The following RUNX2 variants were observed in gnomAD, a reference collection of about 807,000 sequenced individuals.
RUNX2 encodes the protein RUNX family transcription factor 2.
Under a neutral mutation model 51.7 loss-of-function variants are expected in RUNX2, and 10 were observed. That is an observed-to-expected ratio of 0.19 (90% CI 0.12 to 0.33). The LOEUF (loss-of-function observed/expected upper bound fraction) is 0.33. Among genes scored for constraint, RUNX2 ranks in the 10% least tolerant of loss-of-function variants. RUNX2 has a pLI of 1.00. For missense variants in RUNX2, 562 were observed against 691.3 expected, an observed-to-expected ratio of 0.81 and a Z score of 2.10; for synonymous variants, 276 against 273.6, an observed-to-expected ratio of 1.01 and a Z score of -0.09.
At chr6:45,477,486 C>T (rs1008574671) in intron 5 of RUNX2, among the ~76,000 whole-genome samples, 1 of 152,184 alleles carries the variant, frequency 6.6e-6, no homozygotes, top group African/African-American at 2.4e-5. Flanking sequence ...AACCAAACTT[C>T]TCTGCCCAAA....
intron 4 of RUNX2, among the ~76,000 whole-genome samples, chr6:45,435,341 T>A (rs1306161358): frequency 6.6e-6 from 1 of 152,082 alleles, no homozygotes; most frequent in South Asian, 2.1e-4. Context: ...TTAAATAAAT[T>A]TATGGACAAT....
At chr6:45,462,475 A>G (rs1799503877) in intron 5 of RUNX2, among the ~76,000 whole-genome samples, 2 of 152,234 alleles carry the variant, frequency 1.3e-5, no homozygotes, top group Admixed American at 1.3e-4. Context: ...ACATGAATAA[A>G]TGAGCTCTCA....
chr6:45,525,461 A>T (rs1212438673), intron 7 of RUNX2, among the ~76,000 whole-genome samples: 1 of 152,212 alleles, frequency 6.6e-6, no homozygotes, highest in Non-Finnish European at 1.5e-5. Flanking sequence ...TTGACAGTGT[A>T]TTGGAAATAG....
chr6:45,348,008 T>C (rs9472464), intron 2 of RUNX2, among the ~76,000 whole-genome samples: 22,198 of 152,020 alleles, frequency 0.15, 2,147 homozygotes, highest in African/African-American at 0.27. Flanking sequence ...GTTATATAAA[T>C]AGGTATGTAT....
At chr6:45,439,945 C>A (rs1276744813) in intron 5 of RUNX2, among the ~76,000 whole-genome samples, 1 of 152,138 alleles carries the variant, frequency 6.6e-6, no homozygotes, top group Non-Finnish European at 1.5e-5. Context: ...CTTGTAAAGG[C>A]AGAGAAGTGC....
At chr6:45,433,538 G>A (rs1468218141) in intron 4 of RUNX2, among the ~76,000 whole-genome samples, 1 of 151,520 alleles carries the variant, frequency 6.6e-6, no homozygotes, top group Non-Finnish European at 1.5e-5. Context: ...AAAGGATTGG[G>A]TGCCATGCTT....
At chr6:45,409,891 T>C (rs1250350088) in intron 2 of RUNX2, among the ~76,000 whole-genome samples, 1 of 152,214 alleles carries the variant, frequency 6.6e-6, no homozygotes, top group Non-Finnish European at 1.5e-5. Flanking sequence ...ATGGAATGCA[T>C]ATATGTCAAC....
In RUNX2 at chr6:45,491,771, G is replaced by A. The variant is rs188111288; in HGVS notation, c.686-170G>A. 2.4e-3 allele frequency among the ~76,000 whole-genome samples: 371 copies of A among 151,800 alleles called. 2 individuals carry two copies. Among genetic ancestry groups the A allele is most frequent in the African/African-American group, 8.3e-3 (345 of 41,372 alleles). On this transcript the variant is annotated intron_variant, in intron 5 of 8. Transcript: ENST00000647337. ...CTAGGAATGCTGGCCACCAGATACC[G>A]CTTATAAAGCAATTTGAAATGGAAG...
At chr6:45,352,888 T>C (rs904130026) in intron 2 of RUNX2, among the ~76,000 whole-genome samples, 1 of 152,150 alleles carries the variant, frequency 6.6e-6, no homozygotes, top group African/African-American at 2.4e-5. Context: ...ACTGGTCATT[T>C]ATTTCCAGCT....
At chr6:45,416,877 C>G (rs1470991071) in intron 2 of RUNX2, among the ~76,000 whole-genome samples, 1 of 152,156 alleles carries the variant, frequency 6.6e-6, no homozygotes, top group Non-Finnish European at 1.5e-5. Flanking sequence ...ACACTGTACT[C>G]TCTTGTAAGT....
intron 2 of RUNX2, among the ~76,000 whole-genome samples, chr6:45,364,069 T>G (rs1794719852): frequency 6.6e-6 from 1 of 151,426 alleles, no homozygotes; most frequent in Non-Finnish European, 1.5e-5. Flanking sequence ...GAGCCAAGAT[T>G]GTGCCACTGC....
chr6:45,503,204 T>C (rs1041422400), intron 6 of RUNX2, among the ~76,000 whole-genome samples: 24 of 152,322 alleles, frequency 1.6e-4, no homozygotes, highest in African/African-American at 5.5e-4. Context: ...ATTTGATTAA[T>C]GCCTGTCTCT....
intron 6 of RUNX2, among the ~76,000 whole-genome samples, chr6:45,502,534 G>A (rs940608522): frequency 7.2e-5 from 11 of 152,160 alleles, no homozygotes; most frequent in Admixed American, 3.3e-4. Flanking sequence ...TATTACTCAA[G>A]GCTCACCTTA....
chr6:45,484,797 C>T (rs1800219121), intron 5 of RUNX2, among the ~76,000 whole-genome samples: 1 of 152,190 alleles, frequency 6.6e-6, no homozygotes, highest in South Asian at 2.1e-4. Flanking sequence ...TCCCTACAAA[C>T]ACACTCCTTC....
intron 7 of RUNX2, among the ~76,000 whole-genome samples, chr6:45,515,623 T>C (rs1317383381): frequency 2.0e-5 from 3 of 152,136 alleles, no homozygotes; most frequent in African/African-American, 7.2e-5. Flanking sequence ...TTAGATTATC[T>C]AAATAAGTTA....
chr6:45,458,904 C>T (rs932888309), intron 5 of RUNX2, among the ~76,000 whole-genome samples: 3 of 152,190 alleles, frequency 2.0e-5, no homozygotes, highest in African/African-American at 7.2e-5. Flanking sequence ...ACAATCTGTC[C>T]TCTTGGAAAA....
At chr6:45,512,651 A>G (rs1382446417) in intron 7 of RUNX2, among the ~76,000 whole-genome samples, 1 of 152,196 alleles carries the variant, frequency 6.6e-6, no homozygotes, top group Non-Finnish European at 1.5e-5. Flanking sequence ...AATGCCGCCC[A>G]GTTAGTGTCC....
chr6:45,512,342 C>T lies in RUNX2; in HGVS notation c.956C>T (p.Thr319Ile). 6.2e-7 allele frequency: 1 copy of T among 1,614,176 alleles called. No individual in the cohort carries two copies. Among genetic ancestry groups the T allele is most frequent in the South Asian group, 1.1e-5 (1 of 91,090 alleles). ...QMTSPSIHST[T>I]PLSSTRGTGL... Reference sequence around the variant, plus strand: ...ACGTCCCCGTCCATCCACTCTACCACCCCGCTGTCTTCCACACGGGGCACT... The same window carrying T: ...ACGTCCCCGTCCATCCACTCTACCATCCCGCTGTCTTCCACACGGGGCACT... Residue 319 changes from threonine to isoleucine, a missense_variant, in exon 7 of 9, where the codon ACC becomes ATC. By Grantham distance (89) the Thr-to-Ile change is moderately conservative. Coordinates refer to ENST00000647337, the MANE Select transcript of RUNX2 (RefSeq NM_001024630.4).
At position 45,489,060 on chromosome 6, in the gene RUNX2, C is replaced by CTCTTCAATGTACTTTGT. The variant is rs572550983; in HGVS notation, c.686-2866_686-2850dup. ...ATGTGAAGAACTTGTTTGGCTTTTG[C>CTCTTCAATGTACTTTGT]TCTTCAATGTACTTTGTTCTTCAAT... On this transcript the variant is annotated intron_variant, in intron 5 of 8. Coordinates refer to ENST00000647337, the MANE Select transcript of RUNX2 (RefSeq NM_001024630.4). 2.4e-4 allele frequency among the ~76,000 whole-genome samples: 37 copies of CTCTTCAATGTACTTTGT among 152,250 alleles called. No individual in the cohort carries two copies. The South Asian group carries it at 7.5e-3, about 31-fold the overall frequency.
Sources: gnomAD v4.1 joint callset for allele counts (sites outside exome capture counted in the v4.1 genomes callset) on GRCh38, gnomAD v4.1.1 for gene constraint, MANE v1.5 for transcripts, NCBI Gene and HGNC (gene_info 2026-07-23, HGNC 2026-07-21) for gene names.